Variants in AIFM2 observed in about 807,000 individuals in gnomAD.
AIFM2 encodes the protein AIF family member 2, ferroptosis suppressor, also known as ferroptosis suppressor protein 1.
AIFM2 carries 38 observed loss-of-function variants against 35.7 expected under a neutral mutation model. The ratio of observed to expected loss-of-function variants is 1.06; its 90% CI spans 0.82 to 1.39. The LOEUF is 1.39. Among genes scored for constraint, AIFM2 ranks in the 40% most tolerant of loss-of-function variants. The probability of loss-of-function intolerance (pLI) is 0.00; values close to 1 mark genes in which losing one functional copy is unlikely to be tolerated. For synonymous variants in AIFM2, 185 were observed against 203.5 expected, an observed-to-expected ratio of 0.91 and a Z score of 0.77; for missense variants, 476 against 491.2, an observed-to-expected ratio of 0.97 and a Z score of 0.29.
rs2072532603 is a variant in AIFM2, at chr10:70,123,499, A to C, written c.200T>G (p.Ile67Ser). The change falls in exon 3 of 9, where the codon ATT (isoleucine) becomes AGT (serine). Residue 67 changes from isoleucine to serine, a missense_variant. Ile to Ser is a moderately radical substitution (Grantham distance 142, BLOSUM62 -2). Coordinates refer to ENST00000307864, the MANE Select transcript of AIFM2 (RefSeq NM_032797.6). ...GTCCTTGAAAGTCACCGAGTAAGAA[A>C]TGAATGTCTTTTTGGCGAACCCTGG... ...VETGFAKKTF[I>S]SYSVTFKDNF... The C allele has an allele frequency of 6.2e-7, 1 of 1,613,994 alleles. No homozygotes were observed. The highest frequency in any genetic ancestry group is 1.7e-5 in the Admixed American group (1 of 60,004).
intron 1 of AIFM2, among the ~76,000 whole-genome samples, chr10:70,125,044 C>T (rs530053127): frequency 1.3e-5 from 2 of 152,300 alleles, no homozygotes; most frequent in South Asian, 4.1e-4. Flanking sequence ...TCCTCTCTCT[C>T]GCTCTCTCTT....
At chr10:70,120,449 A>G in intron 5 of AIFM2, 58 bp downstream of exon 5, 1 of 1,552,198 alleles carries the variant, frequency 6.4e-7, no homozygotes. Context: ...GATGTTCCTA[A>G]GATAATGCAG....
At chr10:70,130,747 C>T (rs1219153287) in intron 1 of AIFM2, among the ~76,000 whole-genome samples, 1 of 152,126 alleles carries the variant, frequency 6.6e-6, no homozygotes, top group East Asian at 1.9e-4. Flanking sequence ...CTGCTAAATC[C>T]ACCATCTGAT....
Position 70,116,476 on chromosome 10 carries a change from C to T in AIFM2, c.769+146G>A, listed in dbSNP as rs1374616312. On this transcript the variant is annotated intron_variant, in intron 7 of 8. Transcript: ENST00000307864. ...CTGAGGAGAGCTCAGCAAGGGTGGA[C>T]CCTCACTGAATTTAAAGTCTGAGCT... 18 of 1,112,018 alleles carry T rather than the reference C, an allele frequency of 1.6e-5. No individual in the cohort carries two copies. In the East Asian group the frequency reaches 4.3e-4, roughly 27 times the overall value. The allele number at this position is 1,112,018 out of a possible 1,614,324, so 68.9% of individuals were successfully genotyped here.
intron 1 of AIFM2, among the ~76,000 whole-genome samples, chr10:70,126,385 G>T (rs143568398): frequency 1.3e-5 from 2 of 152,224 alleles, no homozygotes. Flanking sequence ...AGCGAAGGAG[G>T]AAGTAGACTC....
At chr10:70,126,475 C>T (rs1040741888) in intron 1 of AIFM2, among the ~76,000 whole-genome samples, 1 of 152,198 alleles carries the variant, frequency 6.6e-6, no homozygotes, top group Non-Finnish European at 1.5e-5. Flanking sequence ...CTGGGACCCT[C>T]AGGCCGCTGG....
At chr10:70,121,909 T>C (rs1218301833) in intron 3 of AIFM2, among the ~76,000 whole-genome samples, 1 of 151,674 alleles carries the variant, frequency 6.6e-6, no homozygotes, top group Admixed American at 6.6e-5. Flanking sequence ...CTGATCAACA[T>C]GGCAAAATCC....
At chr10:70,122,496 G>A (rs2072520125) in intron 3 of AIFM2, among the ~76,000 whole-genome samples, 1 of 152,234 alleles carries the variant, frequency 6.6e-6, no homozygotes, top group South Asian at 2.1e-4. Context: ...TCCAGAGCTG[G>A]TGGCAGCTTA....
chr10:70,122,373 A>G (rs942033204), intron 3 of AIFM2, among the ~76,000 whole-genome samples: 3 of 152,160 alleles, frequency 2.0e-5, no homozygotes, highest in African/African-American at 7.2e-5. Context: ...TTAATTCAAG[A>G]AGGGCTGGGT....
chr10:70,124,709 C>T lies in AIFM2; in HGVS notation c.-13-612G>A, dbSNP rs553188037. Among the ~76,000 whole-genome samples the T allele has an allele frequency of 2.6e-5, 4 of 152,276 alleles. 1 individual carries two copies. Among genetic ancestry groups the T allele is most frequent in the African/African-American group, 9.6e-5 (4 of 41,554 alleles). ...GTGCAATAACAAGAAACAGTGGGCA[C>T]ACCTGTGGGGAACCAGCAAGCATAG... On this transcript the variant is annotated intron_variant, in intron 1 of 8. Transcript: ENST00000307864.
At chr10:70,123,659 G>A in intron 2 of AIFM2, 139 bp from the exon 3 acceptor site, 6 of 823,038 alleles carry the variant, frequency 7.3e-6, no homozygotes, top group Non-Finnish European at 9.5e-6. Context: ...GTATGCCTGG[G>A]GTACCCCTAC....
chr10:70,125,463 A>AAAAAAC (rs2072555859), intron 1 of AIFM2, among the ~76,000 whole-genome samples: 1 of 121,822 alleles, frequency 8.2e-6, no homozygotes, highest in Non-Finnish European at 1.8e-5. Context: ...AAAAAAAAAA[A>AAAAAAC]AAAAAAAAGC....
Position 70,125,479 on chromosome 10 carries a change from G to A in AIFM2, c.-13-1382C>T, listed in dbSNP as rs140492633. On this transcript the variant is annotated intron_variant, in intron 1 of 8. Coordinates refer to ENST00000307864, the MANE Select transcript of AIFM2 (RefSeq NM_032797.6). ...AAAAAAAAAAAAAAAAAAGCCAGGCGTGGTGATGGGCACCTATAGGCCCCG... is the reference window on the plus strand; with the variant it reads ...AAAAAAAAAAAAAAAAAAGCCAGGCATGGTGATGGGCACCTATAGGCCCCG... 2.1e-3 allele frequency among the ~76,000 whole-genome samples: 301 copies of A among 143,570 alleles called. 9 individuals are homozygous for A. The East Asian group carries it at 0.047, about 22-fold the overall frequency. 94.2% of individuals were successfully genotyped at this position (143,570 alleles called of 152,430 possible). A position where few individuals can be genotyped will look rare whatever the true frequency, so the allele number is the denominator to read the frequency against.
intron 5 of AIFM2, among the ~76,000 whole-genome samples, chr10:70,120,163 C>T (rs374020791): frequency 2.6e-5 from 4 of 152,354 alleles, no homozygotes; most frequent in East Asian, 3.9e-4. Flanking sequence ...ATCAAATATA[C>T]ATTTGTATCA....
rs570220786 is a variant in AIFM2 at position 70,122,636 on chromosome 10, T to C, written c.294+769A>G. Among the ~76,000 whole-genome samples the C allele has an allele frequency of 8.0e-4, 122 of 152,330 alleles. 2 individuals are homozygous for C. Among genetic ancestry groups the C allele is most frequent in the Middle Eastern group, 3.4e-3 (1 of 294 alleles). On this transcript the variant is annotated intron_variant, in intron 3 of 8. Coordinates refer to ENST00000307864, the MANE Select transcript of AIFM2 (RefSeq NM_032797.6). ...TCCCGATCCGGGGGATGTGGGACCA[T>C]GCGTGTGCCTTTTTGTTCTAGACAG...
At chr10:70,130,453 T>G (rs1039000607) in intron 1 of AIFM2, among the ~76,000 whole-genome samples, 1 of 152,232 alleles carries the variant, frequency 6.6e-6, no homozygotes, top group African/African-American at 2.4e-5. Flanking sequence ...CTGATCATCA[T>G]GTTTTCAAGG....
chr10:70,129,364 T>C (rs1004997104), intron 1 of AIFM2, among the ~76,000 whole-genome samples: 2 of 151,978 alleles, frequency 1.3e-5, no homozygotes, highest in African/African-American at 4.8e-5. Flanking sequence ...GTTTTATATA[T>C]ATATATATAA....
Position 70,113,229 on chromosome 10 carries a change from T to C in AIFM2, c.*949A>G, listed in dbSNP as rs2136649036. The stretch of plus-strand genomic sequence containing the variant: ...GAAACCTGTGGTATGGAGTAGGATC[T>C]AAAAGTGGAAATGTGCTGGCCGCAG... On this transcript the variant is annotated 3_prime_UTR_variant, in exon 9 of 9. Transcript: ENST00000307864. The C allele has an allele frequency of 6.6e-6, 1 of 152,288 alleles. No individual in the cohort carries two copies. The highest frequency in any genetic ancestry group is 6.5e-5 in the Admixed American group (1 of 15,302). The allele number at this position is 152,288 out of a possible 1,614,324, so 9.4% of individuals were successfully genotyped here. A position where few individuals can be genotyped will look rare whatever the true frequency, so the allele number is the denominator to read the frequency against.
chr10:70,123,639 G>T, intron 2 of AIFM2, 119 bp from the exon 3 acceptor site: 1 of 928,166 alleles, frequency 1.1e-6, no homozygotes, highest in Non-Finnish European at 1.7e-6. Context: ...CCAAAGCGTC[G>T]GGCCATTAGG....
Sources: gnomAD v4.1 joint callset for allele counts (sites outside exome capture counted in the v4.1 genomes callset) on GRCh38, gnomAD v4.1.1 for gene constraint, MANE v1.5 for transcripts, NCBI Gene and HGNC (gene_info 2026-07-23, HGNC 2026-07-21) for gene names.